The following PLEKHH2 variants were observed in gnomAD, a reference collection of about 807,000 sequenced individuals.
The protein encoded by PLEKHH2 is pleckstrin homology, MyTH4 and FERM domain containing H2.
A neutral mutation model predicts 187.9 loss-of-function variants in PLEKHH2; 129 were observed. The ratio of observed to expected loss-of-function variants is 0.69; its 90% CI spans 0.59 to 0.79. The LOEUF is 0.79. Among genes scored for constraint, PLEKHH2 ranks in the 30% least tolerant of loss-of-function variants. The pLI, the probability that PLEKHH2 is intolerant of heterozygous loss-of-function variation, is 0.00. For synonymous variants in PLEKHH2, 686 were observed against 605.6 expected, an observed-to-expected ratio of 1.13 and a Z score of -1.95; for missense variants, 2,076 against 1,751.2, an observed-to-expected ratio of 1.19 and a Z score of -3.31.
intron 2 of PLEKHH2, among the ~76,000 whole-genome samples, chr2:43,655,676 A>G (rs1666718087): frequency 6.6e-6 from 1 of 152,136 alleles, no homozygotes; most frequent in African/African-American, 2.4e-5. Flanking sequence ...TCACAAAACG[A>G]CCTACTTTGA....
intron 11 of PLEKHH2, 69 bp downstream of exon 11, chr2:43,707,614 C>A: frequency 6.5e-7 from 1 of 1,550,112 alleles, no homozygotes; most frequent in South Asian, 1.2e-5. Flanking sequence ...AATTTTATCT[C>A]CATTACAGGA....
At chr2:43,749,046 T>C (rs928254750) in intron 24 of PLEKHH2, among the ~76,000 whole-genome samples, 2 of 152,122 alleles carry the variant, frequency 1.3e-5, no homozygotes, top group African/African-American at 4.8e-5. Context: ...CATGAGCCAC[T>C]GCGCCCAGCC....
intron 24 of PLEKHH2, among the ~76,000 whole-genome samples, chr2:43,751,207 C>G (rs55916250): frequency 1.3e-5 from 2 of 152,156 alleles, no homozygotes; most frequent in South Asian, 2.1e-4. Context: ...ATGAGTATGA[C>G]GCATACGTAC....
rs886626829 is a variant in PLEKHH2, at chr2:43,678,722, G to A, written c.124-141G>A. The stretch of plus-strand genomic sequence containing the variant: ...ATGGAAAGAGAGGGAGAGGGAGACC[G>A]TGGGTAGAGGTGGAAGTGGAGGTGG... On this transcript the variant is annotated intron_variant, in intron 2 of 29. Transcript: ENST00000282406. 27 of 597,190 alleles carry A rather than the reference G, an allele frequency of 4.5e-5. No individual in the cohort carries two copies. In the Middle Eastern group the frequency reaches 1.4e-3, roughly 32 times the overall value. The allele number at this position is 597,190 out of a possible 1,614,324, so 37.0% of individuals were successfully genotyped here.
intron 2 of PLEKHH2, chr2:43,675,113 C>G (rs1031343879): frequency 3.1e-6 from 1 of 322,404 alleles, no homozygotes; most frequent in Non-Finnish European, 5.6e-6. Context: ...TTAAAATATT[C>G]TAATAGACAC....
At chr2:43,703,937 T>TG in intron 8 of PLEKHH2, 44 bp from the exon 9 acceptor site, 8 of 508,416 alleles carry the variant, frequency 1.6e-5, no homozygotes, top group Admixed American at 7.2e-5. Context: ...TTTTTTTTTT[T>TG]TTTTGCTTTA....
At position 43,757,232 on chromosome 2, in the gene PLEKHH2, G is replaced by C; in HGVS notation, c.3909G>C (p.Arg1303Ser). 2 of 1,594,432 alleles carry C rather than the reference G, an allele frequency of 1.3e-6. No individual in the cohort carries two copies. The highest frequency in any genetic ancestry group is 1.7e-6 in the Non-Finnish European group (2 of 1,172,166). Reference sequence around the variant, plus strand: ...TCATAGAGAAATTTTATCCTAAAAGGTATAGAGATGGCTGTTCTGAAGAGC... The same window carrying C: ...TCATAGAGAAATTTTATCCTAAAAGCTATAGAGATGGCTGTTCTGAAGAGC... ...KQVIEKFYPK[R>S]YRDGCSEEQL... Residue 1303 changes from arginine to serine, a missense_variant, in exon 26 of 30, where the codon AGG becomes AGC. Coordinates refer to ENST00000282406, the MANE Select transcript of PLEKHH2 (RefSeq NM_172069.4).
chr2:43,692,454 T>C, intron 3 of PLEKHH2, 60 bp from the exon 4 acceptor site: 1 of 1,385,936 alleles, frequency 7.2e-7, no homozygotes, highest in Admixed American at 2.3e-5. Context: ...AAATTCTAGG[T>C]TTAATACTGT....
rs770250771 is a variant in PLEKHH2 at position 43,704,076 on chromosome 2, G to A, written c.1726+20G>A. On this transcript the variant is annotated intron_variant, in intron 9 of 29. Transcript: ENST00000282406. ...ATAAAAGTAAGTGCTTTTTCATGCT[G>A]CCACCTGGATGAACCTTGAGGACTT... 4 of 1,531,400 alleles carry A rather than the reference G, an allele frequency of 2.6e-6. No homozygotes were observed. The highest frequency in any genetic ancestry group is 3.4e-5 in the Admixed American group (2 of 59,040). The allele number at this position is 1,531,400 out of a possible 1,614,324, so 94.9% of individuals were successfully genotyped here.
chr2:43,681,021 T>C (rs1668149096), intron 3 of PLEKHH2: 2 of 1,274,398 alleles, frequency 1.6e-6, no homozygotes, highest in Non-Finnish European at 2.2e-6. Context: ...ACCTGTTCCC[T>C]CAGAATGCCA....
In PLEKHH2 at chr2:43,651,211, G is replaced by A. The variant is rs193184090; in HGVS notation, c.123+6415G>A. ...AGCAAACATTGAGTTTCTGTTATGT[G>A]TATTCATTATGCCTGCCTCAACCAT... is the stretch of plus-strand genomic sequence containing the variant. On this transcript the variant is annotated intron_variant, in intron 2 of 29. Coordinates refer to ENST00000282406, the MANE Select transcript of PLEKHH2 (RefSeq NM_172069.4). Among the ~76,000 whole-genome samples the A allele has an allele frequency of 1.6e-3, 239 of 151,894 alleles. 1 individual carries two copies. The highest frequency in any genetic ancestry group is 0.01 in the Middle Eastern group (3 of 292).
At chr2:43,724,796 C>T (rs1036909486) in intron 16 of PLEKHH2, among the ~76,000 whole-genome samples, 2 of 152,158 alleles carry the variant, frequency 1.3e-5, no homozygotes, top group South Asian at 4.1e-4. Context: ...AATTGCTGAT[C>T]AATTCTGTGG....
chr2:43,760,278 A>T lies in PLEKHH2; in HGVS notation c.4071+1249A>T, dbSNP rs549466290. Among the ~76,000 whole-genome samples the T allele has an allele frequency of 1.1e-3, 172 of 152,020 alleles. 1 individual carries two copies. The highest frequency in any genetic ancestry group is 4.0e-3 in the African/African-American group (165 of 41,452). On this transcript the variant is annotated intron_variant, in intron 27 of 29. Transcript: ENST00000282406. ...TTGCTCACTTTTCTTTCTTTATAAC[A>T]AGCGACACCTCCTTTGTTGCTTCAT... is the stretch of plus-strand genomic sequence containing the variant.
chr2:43,684,238 A>G (rs1320686932), intron 3 of PLEKHH2, among the ~76,000 whole-genome samples: 2 of 112,996 alleles, frequency 1.8e-5, no homozygotes, highest in Admixed American at 9.4e-5. Flanking sequence ...TTTTTCCTTC[A>G]TTGTCTTGTG....
chr2:43,695,036 T>A, intron 5 of PLEKHH2, 107 bp from the exon 6 acceptor site: 1 of 516,162 alleles, frequency 1.9e-6, no homozygotes, highest in Non-Finnish European at 3.1e-6. Flanking sequence ...GTATTTTGCT[T>A]ACACATGTAG....
intron 16 of PLEKHH2, among the ~76,000 whole-genome samples, chr2:43,722,623 T>G (rs945938868): frequency 6.6e-6 from 1 of 152,196 alleles, no homozygotes; most frequent in Non-Finnish European, 1.5e-5. Flanking sequence ...TCCCAATTTC[T>G]CTGTAATTAT....
chr2:43,747,728 C>G (rs1206934483), intron 24 of PLEKHH2, among the ~76,000 whole-genome samples: 1 of 152,110 alleles, frequency 6.6e-6, no homozygotes, highest in Non-Finnish European at 1.5e-5. Context: ...GTCTTATACC[C>G]TGTAAATTAA....
intron 2 of PLEKHH2, among the ~76,000 whole-genome samples, chr2:43,658,081 A>G (rs1455949195): frequency 6.6e-6 from 1 of 152,136 alleles, no homozygotes; most frequent in Non-Finnish European, 1.5e-5. Flanking sequence ...CCTTTGTATT[A>G]TTATCTTGAG....
Position 43,644,702 on chromosome 2 carries a change from C to T in PLEKHH2, c.29C>T (p.Pro10Leu), listed in dbSNP as rs906733011. 5 of 1,604,372 alleles carry T rather than the reference C, an allele frequency of 3.1e-6. No individual in the cohort carries two copies. In the African/African-American group the frequency reaches 6.7e-5, roughly 22 times the overall value. Residue 10 changes from proline to leucine, a missense_variant, in exon 2 of 30, where the codon CCA becomes CTA. Physicochemically the swap from Pro to Leu is moderately conservative, Grantham distance 98 (BLOSUM62 -3). Transcript: ENST00000282406. MAELSEPEG[P>L]VDWKERCVAL... Reference sequence around the variant, plus strand: ...GCAGAGCTTTCTGAGCCAGAGGGACCAGTAGATTGGAAGGAACGATGTGTA... The same window carrying T: ...GCAGAGCTTTCTGAGCCAGAGGGACTAGTAGATTGGAAGGAACGATGTGTA...
Sources: allele counts gnomAD v4.1 joint callset (sites outside exome capture counted in the v4.1 genomes callset), GRCh38; gene constraint gnomAD v4.1.1; transcripts MANE v1.5; gene names NCBI Gene and HGNC (gene_info 2026-07-23, HGNC 2026-07-21).